DST: variants seen among roughly 807,000 people sequenced by gnomAD.
The protein encoded by DST is dystonin, also known as bullous pemphigoid antigen.
A neutral mutation model predicts 875.2 loss-of-function variants in DST; 253 were observed. That is an observed-to-expected ratio of 0.29 (90% CI 0.26 to 0.32). DST has a LOEUF of 0.32. Ranked by LOEUF, DST falls within the 10% of genes least tolerant of loss-of-function variation. DST has a pLI of 1.00. For synonymous variants in DST, 3,124 were observed against 3,197.1 expected (o/e 0.98, Z 0.77); for missense variants, 8,287 against 9,111.6 (o/e 0.91, Z 3.68).
intron 10 of DST, among the ~76,000 whole-genome samples, chr6:56,663,666 A>G (rs1239815236): frequency 6.6e-6 from 1 of 152,246 alleles, no homozygotes; most frequent in African/African-American, 2.4e-5. Flanking sequence ...GATGACTCTG[A>G]CCACAGCTTT....
rs138748045 is a variant in DST at position 56,784,146 on chromosome 6, T to C, written c.626-48857A>G. On this transcript the variant is annotated intron_variant, in intron 4 of 103. Coordinates refer to ENST00000680361, the MANE Select transcript of DST (RefSeq NM_001374736.1). ...TGGGTAACTTGACCTTTCTCTCTGG[T>C]TCTCCTTAACATTTTTTCCTTCATT... 3.4e-3 allele frequency among the ~76,000 whole-genome samples: 520 copies of C among 152,308 alleles called. 4 individuals are homozygous for C. Among genetic ancestry groups the C allele is most frequent in the African/African-American group, 0.012 (505 of 41,572 alleles).
chr6:56,749,470 G>A (rs1240150106), intron 4 of DST, among the ~76,000 whole-genome samples: 1 of 152,150 alleles, frequency 6.6e-6, no homozygotes, highest in African/African-American at 2.4e-5. Flanking sequence ...TTCTTGATAA[G>A]TATGGACTGG....
intron 4 of DST, among the ~76,000 whole-genome samples, chr6:56,752,496 C>CG (rs1564007101): frequency 6.6e-6 from 1 of 152,164 alleles, no homozygotes; most frequent in East Asian, 1.9e-4. Context: ...TACCCACCCC[C>CG]ACTCCCACAG....
intron 10 of DST, among the ~76,000 whole-genome samples, chr6:56,669,898 G>A (rs2099091339): frequency 6.6e-6 from 1 of 152,166 alleles, no homozygotes; most frequent in Non-Finnish European, 1.5e-5. Context: ...GGATTTAGCT[G>A]TTAATAATGC....
Position 56,489,593 on chromosome 6 carries a change from C to T in DST, c.20774G>A (p.Ser6925Asn), listed in dbSNP as rs1456292403. Residue 6925 changes from serine to asparagine, a missense_variant, in exon 86 of 104, where the codon AGT (serine) becomes AAT (asparagine). Ser to Asn is a conservative substitution (Grantham distance 46). This residue lies in a region of DST where 1,292 missense variants were observed against 1,552.7 expected (regional missense o/e 0.83). Transcript: ENST00000680361. ...CTCTTCTAGCCACTCCATAAGTTTA[C>T]TCCAAGCTTCATGGAACTAGAAAGA... ...KRAKQFHEAW[S>N]KLMEWLEESE... 1 of 1,611,266 alleles carries T rather than the reference C, an allele frequency of 6.2e-7. No homozygotes were observed. The highest frequency in any genetic ancestry group is 2.2e-5 in the East Asian group (1 of 44,762).
intron 95 of DST, among the ~76,000 whole-genome samples, chr6:56,470,745 T>C (rs1056928155): frequency 6.6e-6 from 1 of 150,842 alleles, no homozygotes; most frequent in Admixed American, 6.6e-5. Flanking sequence ...AAAAGGGACT[T>C]GAATTTATTG....
chr6:56,667,282 T>C (rs1010574350), intron 10 of DST, among the ~76,000 whole-genome samples: 14 of 152,358 alleles, frequency 9.2e-5, no homozygotes, highest in Non-Finnish European at 1.9e-4. Flanking sequence ...ATTTTGATTG[T>C]TTATAATTTT....
Position 56,630,378 on chromosome 6 carries a change from T to G in DST, c.4148A>C (p.Lys1383Thr), listed in dbSNP as rs758903024. ...SMSSTYIDKL[K>T]TVNLVLKNTQ... Reference sequence around the variant, plus strand: ...GTTTTTTAACACCAAGTTAACAGTTTTCAACCTTAAAAAGGAAATTAAACA... The same window carrying G: ...GTTTTTTAACACCAAGTTAACAGTTGTCAACCTTAAAAAGGAAATTAAACA... The change falls in exon 31 of 104, where the codon AAA becomes ACA. Residue 1383 changes from lysine (K) to threonine (T), a missense_variant. Transcript: ENST00000680361. 2.5e-6 allele frequency: 4 copies of G among 1,612,314 alleles called. No individual in the cohort carries two copies. In the Admixed American group the frequency reaches 6.7e-5, roughly 27 times the overall value.
At chr6:56,869,810 G>A (rs763510089) in intron 3 of DST, among the ~76,000 whole-genome samples, 11 of 151,972 alleles carry the variant, frequency 7.2e-5, no homozygotes, top group East Asian at 1.9e-4. Flanking sequence ...TCAGCCTCCC[G>A]AGTAGCCGAG....
rs780051295 is a variant in DST at position 56,572,803 on chromosome 6, G to T, written c.13498C>A (p.Leu4500Ile). ...QTFLETKTQA[L>I]TEVDVPGKDV... is the part of the protein sequence containing the mutation. ...TTTCCTGGCACATCTACTTCAGTAA[G>T]AGCCTGAGTTTTTGTTTCTAAAAAT... Residue 4500 changes from leucine to isoleucine, a missense_variant, in exon 52 of 104, where the codon CTT becomes ATT. By Grantham distance (5) the Leu-to-Ile change is conservative. This residue lies in a region of DST where 1,513 missense variants were observed against 1,677.8 expected (regional missense o/e 0.90). Transcript: ENST00000680361. The T allele has an allele frequency of 1.2e-6, 2 of 1,610,566 alleles. No homozygotes were observed. Among genetic ancestry groups the T allele is most frequent in the Non-Finnish European group, 1.7e-6 (2 of 1,178,710 alleles).
intron 4 of DST, among the ~76,000 whole-genome samples, chr6:56,754,617 G>A (rs553563392): frequency 2.0e-5 from 3 of 151,976 alleles, no homozygotes; most frequent in Non-Finnish European, 2.9e-5. Context: ...AAAGATCCAA[G>A]AGCTATGTAA....
rs779280110 is a variant in DST at position 56,954,650 on chromosome 6, G to C, written c.-63C>G. The C allele has an allele frequency of 8.8e-7, 1 of 1,139,816 alleles. No homozygotes were observed. Among genetic ancestry groups the C allele is most frequent in the South Asian group, 1.8e-5 (1 of 54,190 alleles). 70.6% of individuals were successfully genotyped at this position (1,139,816 alleles called of 1,614,324 possible). ...GGAGGGCGGCGGCACAGGCACCCGCGCTGGGCGCACGCCGGGACGGCGGGC... is the reference window on the plus strand; with the variant it reads ...GGAGGGCGGCGGCACAGGCACCCGCCCTGGGCGCACGCCGGGACGGCGGGC... On this transcript the variant is annotated 5_prime_UTR_variant, in exon 1 of 104. Transcript: ENST00000680361.
At chr6:56,668,805 G>T (rs1383296544) in intron 10 of DST, among the ~76,000 whole-genome samples, 1 of 151,592 alleles carries the variant, frequency 6.6e-6, no homozygotes, top group Admixed American at 6.6e-5. Context: ...AATAAAAATA[G>T]GGGCTCCTGA....
intron 2 of DST, among the ~76,000 whole-genome samples, chr6:56,912,875 C>T (rs910029134): frequency 6.6e-5 from 10 of 152,152 alleles, no homozygotes; most frequent in African/African-American, 2.2e-4. Context: ...CACCAAGTTG[C>T]AAGGGAAGCT....
chr6:56,779,929 T>C (rs1212864099), intron 4 of DST, among the ~76,000 whole-genome samples: 2 of 132,828 alleles, frequency 1.5e-5, no homozygotes, highest in Non-Finnish European at 3.1e-5. Flanking sequence ...CCTGTGTCCA[T>C]GTGTTCTCAT....
intron 36 of DST, among the ~76,000 whole-genome samples, chr6:56,621,387 T>C (rs571158001): frequency 1.3e-5 from 2 of 152,328 alleles, no homozygotes; most frequent in South Asian, 4.1e-4. Flanking sequence ...ACAATTATAA[T>C]AATCAGAATT....
At chr6:56,877,845 C>T (rs868494230) in intron 3 of DST, among the ~76,000 whole-genome samples, 10 of 152,140 alleles carry the variant, frequency 6.6e-5, no homozygotes. Flanking sequence ...AAGATAAATA[C>T]AGAAATTGGA....
chr6:56,884,567 C>T (rs375055260), intron 3 of DST, among the ~76,000 whole-genome samples: 39 of 152,184 alleles, frequency 2.6e-4, no homozygotes, highest in East Asian at 1.7e-3. Flanking sequence ...TGTCTAGGTT[C>T]GTTATTTTAT....
At chr6:56,751,148 T>C (rs1033621511) in intron 4 of DST, among the ~76,000 whole-genome samples, 1 of 152,174 alleles carries the variant, frequency 6.6e-6, no homozygotes, top group African/African-American at 2.4e-5. Flanking sequence ...TAAATGCAAG[T>C]CATGCCTGTT....
Sources: gnomAD v4.1 joint callset for allele counts (sites outside exome capture counted in the v4.1 genomes callset) on GRCh38, gnomAD v4.1.1 for gene constraint, gnomAD v4.1.1 regional missense constraint, MANE v1.5 for transcripts, NCBI Gene and HGNC (gene_info 2026-07-23, HGNC 2026-07-21) for gene names.